The following IL17D variants were observed in gnomAD, a reference collection of about 807,000 sequenced individuals.
The protein encoded by IL17D is interleukin-17D.
A neutral mutation model predicts 5.7 loss-of-function variants in IL17D; 10 were observed. The ratio of observed to expected loss-of-function variants is 1.75; its 90% confidence interval spans 1.08 to 2.97. IL17D has a LOEUF of 2.97. Ranked by LOEUF, IL17D falls within the 30% of genes most tolerant of loss-of-function variation. IL17D has a pLI of 0.00. For missense variants in IL17D, 354 were observed against 292.7 expected, an observed-to-expected ratio of 1.21 and a Z score of -1.53; for synonymous variants, 172 against 141.7, an observed-to-expected ratio of 1.21 and a Z score of -1.52.
intron 1 of IL17D, among the ~76,000 whole-genome samples, chr13:20,704,818 T>C (rs1216917039): frequency 2.0e-5 from 3 of 152,002 alleles, no homozygotes; most frequent in African/African-American, 7.3e-5. Flanking sequence ...CGCGGTACTA[T>C]CCACATATTT....
intron 1 of IL17D, among the ~76,000 whole-genome samples, chr13:20,711,992 T>C (rs908524724): frequency 1.3e-5 from 2 of 152,208 alleles, no homozygotes; most frequent in Non-Finnish European, 2.9e-5. Flanking sequence ...AGTTCAGCAA[T>C]GGCCCATTCA....
At chr13:20,705,136 C>T (rs553068608) in intron 1 of IL17D, among the ~76,000 whole-genome samples, 2 of 152,146 alleles carry the variant, frequency 1.3e-5, no homozygotes, top group South Asian at 2.1e-4. Context: ...GCAGGAGGAG[C>T]TGCCCTAGGG....
rs1156330810 is a variant in IL17D, at chr13:20,716,043, C to T, written c.291-5593C>T. 2 of 981,526 alleles carry T rather than the reference C, an allele frequency of 2.0e-6. No homozygotes were observed. The highest frequency in any genetic ancestry group is 3.5e-5 in the African/African-American group (2 of 57,156). The allele number at this position is 981,526 out of a possible 1,614,324, so 60.8% of individuals were successfully genotyped here. A position where few individuals can be genotyped will look rare whatever the true frequency, so the allele number is the denominator to read the frequency against. ...AGCCACCGCGCCCGGCCAGAATCGACACTTTTAACAGGAGTCCCATATAGG... is the reference window on the plus strand; with the variant it reads ...AGCCACCGCGCCCGGCCAGAATCGATACTTTTAACAGGAGTCCCATATAGG... On this transcript the variant is annotated intron_variant, in intron 1 of 1. Coordinates refer to ENST00000682841, the MANE Select transcript of IL17D (RefSeq NM_001385224.1). The surrounding 1 kb of genome is among the most constrained non-coding windows in gnomAD (Gnocchi z 4.2).
In IL17D at chr13:20,718,593, ACC is replaced by A. The variant is rs2058699932; in HGVS notation, c.291-3042_291-3041del. 4.0e-5 allele frequency among the ~76,000 whole-genome samples: 4 copies of A among 101,032 alleles called. No individual in the cohort carries two copies. In the Admixed American group the frequency reaches 4.5e-4, roughly 11 times the overall value. 66.3% of individuals were successfully genotyped at this position (101,032 alleles called of 152,430 possible). On this transcript the variant is annotated intron_variant, in intron 1 of 1. Transcript: ENST00000682841. ...CCCATGCTCACACCTGCCCCCACAC[ACC>A]TGCCCACACTCAGACACACCTGCCC...
chr13:20,702,095 GCTTC>G (rs1273111753), upstream of IL17D: 2 of 152,012 alleles, frequency 1.3e-5, no homozygotes, highest in African/African-American at 2.4e-5. Context: ...AGCCTCCCAC[GCTTC>G]CTTTTTTCCA....
chr13:20,722,073 G>T lies in IL17D; in HGVS notation c.*119G>T. On this transcript the variant is annotated 3_prime_UTR_variant, in exon 2 of 2. Coordinates refer to ENST00000682841, the MANE Select transcript of IL17D (RefSeq NM_001385224.1). ...AGTGCACCGAGCAAACCAAGTGCCG[G>T]AGCACCAGCGCCGCCTTTCCATGGA... The T allele has an allele frequency of 1.2e-6, 1 of 806,030 alleles. No individual in the cohort carries two copies. Among genetic ancestry groups the T allele is most frequent in the Non-Finnish European group, 1.9e-6 (1 of 533,800 alleles). The allele number at this position is 806,030 out of a possible 1,614,324, so 49.9% of individuals were successfully genotyped here.
At chr13:20,713,310 A>T (rs1276726224) in intron 1 of IL17D, 1 of 152,164 alleles carries the variant, frequency 6.6e-6, no homozygotes, top group Non-Finnish European at 1.5e-5. Flanking sequence ...AGAAAAAGAG[A>T]AACTCATTGT....
chr13:20,722,257 G>A lies in IL17D; in HGVS notation c.*303G>A. ...AAAGTTCACGGAGGCTCCCTGAGGA[G>A]CCTCTCAGATCGGCTGCTGCGGGTG... On this transcript the variant is annotated 3_prime_UTR_variant, in exon 2 of 2. Transcript: ENST00000682841. 2.6e-6 allele frequency: 1 copy of A among 377,484 alleles called. No homozygotes were observed. The highest frequency in any genetic ancestry group is 4.7e-6 in the Non-Finnish European group (1 of 211,534). 23.4% of individuals were successfully genotyped at this position (377,484 alleles called of 1,614,324 possible).
intron 1 of IL17D, among the ~76,000 whole-genome samples, chr13:20,721,366 G>C (rs561534344): frequency 3.7e-4 from 57 of 152,250 alleles, no homozygotes; most frequent in Non-Finnish European, 6.8e-4. Context: ...ACCCGTGCAG[G>C]CGGCATAGAT....
intron 1 of IL17D, among the ~76,000 whole-genome samples, chr13:20,719,356 TACTC>T (rs201106018): frequency 1.6e-3 from 200 of 125,240 alleles, no homozygotes; most frequent in East Asian, 0.013. Context: ...CACCTGCCCA[TACTC>T]ACACACATGC....
At chr13:20,717,674 G>C (rs1009611391) in intron 1 of IL17D, among the ~76,000 whole-genome samples, 2 of 152,150 alleles carry the variant, frequency 1.3e-5, no homozygotes, top group Non-Finnish European at 2.9e-5. Flanking sequence ...CCCCCTTAGC[G>C]GCACCTTCCC....
At position 20,721,730 on chromosome 13, in the gene IL17D, G is replaced by C. The variant is rs776482763; in HGVS notation, c.385G>C (p.Val129Leu). Residue 129 changes from valine to leucine, a missense_variant, in exon 2 of 2, where the codon GTG (valine) becomes CTG (leucine). Coordinates refer to ENST00000682841, the MANE Select transcript of IL17D (RefSeq NM_001385224.1). Reference protein sequence around the residue: ...CLTGLFGEEDVRFRSAPVYMP... With the variant: ...CLTGLFGEEDLRFRSAPVYMP... ...GACCGGGCTGTTCGGCGAGGAGGAC[G>C]TGCGCTTCCGCAGCGCCCCTGTCTA... is the stretch of plus-strand genomic sequence containing the variant. The C allele has an allele frequency of 1.2e-6, 2 of 1,610,900 alleles. No homozygotes were observed. Among genetic ancestry groups the C allele is most frequent in the African/African-American group, 1.3e-5 (1 of 75,024 alleles).
intron 1 of IL17D, chr13:20,713,819 A>G (rs2058658889): frequency 6.6e-6 from 1 of 152,288 alleles, no homozygotes; most frequent in African/African-American, 2.4e-5. Context: ...ACTGCTCACT[A>G]AATAAGAGGC....
chr13:20,721,099 A>G (rs1022759828), intron 1 of IL17D, among the ~76,000 whole-genome samples: 1 of 152,034 alleles, frequency 6.6e-6, no homozygotes, highest in Non-Finnish European at 1.5e-5. Flanking sequence ...TCCCTGATGG[A>G]GAAAGCTCTT....
chr13:20,701,643 A>T (rs1380238141), upstream of IL17D: 1 of 152,114 alleles, frequency 6.6e-6, no homozygotes, highest in Non-Finnish European at 1.5e-5. Flanking sequence ...GAACACGATG[A>T]GCCTGCTTTT....
At chr13:20,704,312 G>A in intron 1 of IL17D, 21 bp downstream of exon 1, 1 of 1,190,852 alleles carries the variant, frequency 8.4e-7, no homozygotes, top group Non-Finnish European at 1.0e-6. Flanking sequence ...GGCGCGTCCT[G>A]GCGGGGCCCG....
In IL17D at chr13:20,716,704, G is replaced by A. The variant is rs1453330466; in HGVS notation, c.291-4932G>A. Among the ~76,000 whole-genome samples, 4 of 152,148 alleles carry A rather than the reference G, an allele frequency of 2.6e-5. No individual in the cohort carries two copies. Among genetic ancestry groups the A allele is most frequent in the Non-Finnish European group, 5.9e-5 (4 of 68,028 alleles). On this transcript the variant is annotated intron_variant, in intron 1 of 1. Transcript: ENST00000682841. This position sits in a 1 kb window ranked among gnomAD's most constrained non-coding sequence, Gnocchi z 4.2. ...GAACTCATTGACCTTCGGATCTGGC[G>A]AGCCACGCTACCGAGGCAGGCTGTC... is the stretch of plus-strand genomic sequence containing the variant.
chr13:20,703,883 G>A lies in IL17D; in HGVS notation c.-119G>A, dbSNP rs2058564296. ...ATCCTCCGGGCCGGCCTCTGGCTCC[G>A]CGGGGCGAGGGGAGGCGCCCGCCGG... On this transcript the variant is annotated 5_prime_UTR_variant, in exon 1 of 2. Coordinates refer to ENST00000682841, the MANE Select transcript of IL17D (RefSeq NM_001385224.1). 2 of 385,448 alleles carry A rather than the reference G, an allele frequency of 5.2e-6. No individual in the cohort carries two copies. Among genetic ancestry groups the A allele is most frequent in the Admixed American group, 6.6e-5 (1 of 15,158 alleles). 23.9% of individuals were successfully genotyped at this position (385,448 alleles called of 1,614,324 possible).
In IL17D at chr13:20,721,622, C is replaced by G. The variant is rs772022737; in HGVS notation, c.291-14C>G. 5.7e-6 allele frequency: 9 copies of G among 1,577,566 alleles called. No homozygotes were observed. In the South Asian group the frequency reaches 9.3e-5, roughly 16 times the overall value. ...GCCCCCAGGCGTGACCTCACCCGTGCTCTCTCCCTGCAGAATCTCCTACGA... is the reference window on the plus strand; with the variant it reads ...GCCCCCAGGCGTGACCTCACCCGTGGTCTCTCCCTGCAGAATCTCCTACGA... On this transcript the variant is annotated splice_polypyrimidine_tract_variant and intron_variant, in intron 1 of 1. Coordinates refer to ENST00000682841, the MANE Select transcript of IL17D (RefSeq NM_001385224.1).
Sources: gnomAD v4.1 joint callset for allele counts (sites outside exome capture counted in the v4.1 genomes callset) on GRCh38, gnomAD v4.1.1 for gene constraint, Gnocchi (gnomAD v3.1) non-coding constraint, MANE v1.5 for transcripts, NCBI Gene and HGNC (gene_info 2026-07-23, HGNC 2026-07-21) for gene names.